GNAQ: variants seen among roughly 807,000 people sequenced by gnomAD.
GNAQ encodes guanine nucleotide-binding protein G(q) subunit alpha.
Under a neutral mutation model 43.9 loss-of-function variants are expected in GNAQ, and 8 were observed. The observed-to-expected ratio is 0.18, with a 90% confidence interval of 0.11 to 0.33. The LOEUF (loss-of-function observed/expected upper bound fraction) is 0.33. GNAQ is among the 10% of genes least tolerant of loss of function. The probability of loss-of-function intolerance (pLI) is 1.00; values close to 1 mark genes in which losing one functional copy is unlikely to be tolerated. For synonymous variants in GNAQ, 155 were observed against 170.7 expected, an observed-to-expected ratio of 0.91 and a Z score of 0.71; for missense variants, 158 against 450.8, an observed-to-expected ratio of 0.35 and a Z score of 5.88.
intron 1 of GNAQ, among the ~76,000 whole-genome samples, chr9:78,014,262 A>G (rs1823810178): frequency 6.6e-6 from 1 of 152,168 alleles, no homozygotes; most frequent in South Asian, 2.1e-4. Context: ...TATTCATCAT[A>G]CATCAAGTGT....
chr9:77,838,291 G>A (rs867706923), intron 2 of GNAQ, among the ~76,000 whole-genome samples: 1 of 151,164 alleles, frequency 6.6e-6, no homozygotes, highest in Middle Eastern at 3.5e-3. Context: ...TTATAGGCAC[G>A]CACCACCACG....
intron 1 of GNAQ, among the ~76,000 whole-genome samples, chr9:77,940,509 G>A (rs1829299325): frequency 2.0e-5 from 3 of 152,124 alleles, no homozygotes; most frequent in Admixed American, 1.3e-4. Context: ...AGCCTGGGAG[G>A]TCAAGGCTGC....
intron 2 of GNAQ, 130 bp from the exon 3 acceptor site, chr9:77,815,900 A>G (rs780061276): frequency 3.6e-6 from 2 of 554,310 alleles, no homozygotes; most frequent in Non-Finnish European, 6.2e-6. Flanking sequence ...GGTTTACAAT[A>G]AAGTCATGTT....
intron 5 of GNAQ, among the ~76,000 whole-genome samples, chr9:77,733,719 C>G (rs1449716711): frequency 6.6e-6 from 1 of 152,182 alleles, no homozygotes; most frequent in Non-Finnish European, 1.5e-5. Context: ...AGCCCTTGTC[C>G]TGGAAGACTG....
At chr9:77,807,549 G>A (rs1009011374) in intron 3 of GNAQ, among the ~76,000 whole-genome samples, 3 of 152,232 alleles carry the variant, frequency 2.0e-5, no homozygotes, top group African/African-American at 4.8e-5. Context: ...TTAGTGGTAC[G>A]TCCAGGAAAT....
Position 77,870,324 on chromosome 9 carries a change from GTT to G in GNAQ, c.321+51835_321+51836del, listed in dbSNP as rs781464413. Among the ~76,000 whole-genome samples the G allele has an allele frequency of 1.8e-3, 205 of 111,104 alleles. 1 individual carries two copies. The highest frequency in any genetic ancestry group is 6.0e-3 in the African/African-American group (169 of 28,132). The allele number at this position is 111,104 out of a possible 152,430, so 72.9% of individuals were successfully genotyped here. Reference sequence around the variant, plus strand: ...AGCTTGATGCCTTTTTTTGGTGCTAGTTTTTTTTTTTTTTTTTTTTTTTTTAG... The same window carrying G: ...AGCTTGATGCCTTTTTTTGGTGCTAGTTTTTTTTTTTTTTTTTTTTTTTAG... On this transcript the variant is annotated intron_variant, in intron 2 of 6. Coordinates refer to ENST00000286548, the MANE Select transcript of GNAQ (RefSeq NM_002072.5).
intron 5 of GNAQ, among the ~76,000 whole-genome samples, chr9:77,751,619 C>T (rs1055689987): frequency 2.6e-5 from 4 of 152,096 alleles, no homozygotes; most frequent in Non-Finnish European, 4.4e-5. Context: ...AGAGCTACAA[C>T]CTCACTTAAA....
At chr9:77,764,150 T>A (rs1826097225) in intron 5 of GNAQ, among the ~76,000 whole-genome samples, 1 of 152,118 alleles carries the variant, frequency 6.6e-6, no homozygotes, top group African/African-American at 2.4e-5. Flanking sequence ...GAAAGTGAGA[T>A]TGAGTCAGGT....
intron 2 of GNAQ, among the ~76,000 whole-genome samples, chr9:77,862,914 C>T (rs1004614692): frequency 1.2e-4 from 18 of 152,184 alleles, no homozygotes; most frequent in Admixed American, 3.3e-4. Context: ...CACGGTGGCT[C>T]ATGCCTGTAA....
At chr9:77,861,405 T>C (rs926613318) in intron 2 of GNAQ, among the ~76,000 whole-genome samples, 1 of 152,150 alleles carries the variant, frequency 6.6e-6, no homozygotes, top group Non-Finnish European at 1.5e-5. Context: ...CAATCATGCC[T>C]TCCCAACAGT....
intron 2 of GNAQ, among the ~76,000 whole-genome samples, chr9:77,914,702 T>C (rs1828865870): frequency 6.6e-6 from 1 of 151,774 alleles, no homozygotes; most frequent in Non-Finnish European, 1.5e-5. Flanking sequence ...CAAAGATTTA[T>C]AGAAGCAGGA....
intron 2 of GNAQ, among the ~76,000 whole-genome samples, chr9:77,861,383 A>G (rs1362431792): frequency 1.3e-5 from 2 of 152,170 alleles, no homozygotes; most frequent in Admixed American, 6.5e-5. Context: ...TCATGTCCTC[A>G]TATTTCAAAA....
intron 4 of GNAQ, among the ~76,000 whole-genome samples, chr9:77,795,085 C>T (rs1255850319): frequency 6.6e-6 from 1 of 152,126 alleles, no homozygotes; most frequent in African/African-American, 2.4e-5. Context: ...GATGCTTCCA[C>T]TAAATGCAGA....
chr9:77,801,847 C>A (rs1228767482), intron 3 of GNAQ, among the ~76,000 whole-genome samples: 1 of 152,122 alleles, frequency 6.6e-6, no homozygotes, highest in East Asian at 1.9e-4. Context: ...ATGTTACAGA[C>A]AATTTGTGAA....
intron 2 of GNAQ, among the ~76,000 whole-genome samples, chr9:77,829,958 T>C (rs1470023562): frequency 6.6e-6 from 1 of 152,110 alleles, no homozygotes; most frequent in Non-Finnish European, 1.5e-5. Flanking sequence ...CAATTTTTTT[T>C]TTCTTTTTTT....
At chr9:77,914,324 C>A (rs1393262075) in intron 2 of GNAQ, among the ~76,000 whole-genome samples, 1 of 152,112 alleles carries the variant, frequency 6.6e-6, no homozygotes. Context: ...AGGTGGCTGA[C>A]TCATCAAATT....
At chr9:77,852,674 C>T (rs550940430) in intron 2 of GNAQ, among the ~76,000 whole-genome samples, 1 of 152,364 alleles carries the variant, frequency 6.6e-6, no homozygotes, top group Non-Finnish European at 1.5e-5. Flanking sequence ...TCGCTCAGTG[C>T]TCTTTCTCCT....
Position 77,862,585 on chromosome 9 carries a change from G to A in GNAQ, c.322-46815C>T, listed in dbSNP as rs146682006. Among the ~76,000 whole-genome samples, 1,114 of 152,280 alleles carry A rather than the reference G, an allele frequency of 7.3e-3. 19 individuals are homozygous for A. The highest frequency in any genetic ancestry group is 0.025 in the African/African-American group (1,040 of 41,550). On this transcript the variant is annotated intron_variant, in intron 2 of 6. Transcript: ENST00000286548. ...GGTGCAAACAGCAGAAGGACCCTGGGCCAGGCCCATGGAACCATTTTTCCC... is the reference window on the plus strand; with the variant it reads ...GGTGCAAACAGCAGAAGGACCCTGGACCAGGCCCATGGAACCATTTTTCCC...
chr9:77,955,317 A>G (rs985366118), intron 1 of GNAQ, among the ~76,000 whole-genome samples: 7 of 151,870 alleles, frequency 4.6e-5, no homozygotes, highest in Non-Finnish European at 2.9e-5. Flanking sequence ...TAATTTTTGT[A>G]TTTTTAAGAG....
Sources: allele counts gnomAD v4.1 joint callset (sites outside exome capture counted in the v4.1 genomes callset), GRCh38; gene constraint gnomAD v4.1.1; transcripts MANE v1.5; gene names NCBI Gene and HGNC (gene_info 2026-07-23, HGNC 2026-07-21).